Variants in APBB2 observed in about 807,000 individuals in gnomAD.
APBB2 encodes the protein Fe65-like 1.
A neutral mutation model predicts 82.5 loss-of-function variants in APBB2; 38 were observed. The observed-to-expected ratio is 0.46, with a 90% CI of 0.36 to 0.60. The LOEUF (loss-of-function observed/expected upper bound fraction) is 0.60, where lower values mean the gene tolerates loss of function less well. Ranked by LOEUF, APBB2 falls within the 20% of genes least tolerant of loss-of-function variation. The probability of loss-of-function intolerance (pLI) is 0.00; values close to 1 mark genes in which losing one functional copy is unlikely to be tolerated. For missense variants in APBB2, 772 were observed against 972.3 expected (o/e 0.79, Z 2.74); for synonymous variants, 341 against 368.2 (o/e 0.93, Z 0.85).
At position 41,044,401 on chromosome 4, in the gene APBB2, C is replaced by T. The variant is rs781076321; in HGVS notation, c.-50-11097G>A. Among the ~76,000 whole-genome samples, 62 of 152,216 alleles carry T rather than the reference C, an allele frequency of 4.1e-4. No homozygotes were observed. The South Asian group carries it at 5.4e-3, about 13-fold the overall frequency. ...TTGGCTCCTAAGTCATTCTGACATG[C>T]CCTAATAATCTTTGATAGCTTCCTT... On this transcript the variant is annotated intron_variant, in intron 4 of 17. Transcript: ENST00000508593.
chr4:40,881,401 C>T (rs1051392129), intron 12 of APBB2: 15 of 984,502 alleles, frequency 1.5e-5, no homozygotes, highest in African/African-American at 1.8e-5. Flanking sequence ...AGACTGAGAC[C>T]CCACCTAATC....
chr4:40,853,709 G>A (rs1229870138), intron 12 of APBB2, among the ~76,000 whole-genome samples: 3 of 151,256 alleles, frequency 2.0e-5, no homozygotes, highest in Non-Finnish European at 4.4e-5. Flanking sequence ...CACCTGCCTC[G>A]ACCTCCCAAA....
At chr4:40,913,947 A>C (rs545244920) in intron 10 of APBB2, among the ~76,000 whole-genome samples, 1 of 152,106 alleles carries the variant, frequency 6.6e-6, no homozygotes, top group African/African-American at 2.4e-5. Context: ...CATACACTAA[A>C]TAAGGGGGCT....
chr4:40,988,650 A>T (rs1398589489), intron 6 of APBB2, among the ~76,000 whole-genome samples: 1 of 79,692 alleles, frequency 1.3e-5, no homozygotes, highest in Non-Finnish European at 2.4e-5. Flanking sequence ...AAAAAAAAAA[A>T]AAAAAGACTG....
Position 40,811,201 on chromosome 4 carries a change from T to C in APBB2, c.*4891A>G, listed in dbSNP as rs1744326342. 6.6e-6 allele frequency: 1 copy of C among 152,170 alleles called. No homozygotes were observed. The highest frequency in any genetic ancestry group is 6.5e-5 in the Admixed American group (1 of 15,270). The allele number at this position is 152,170 out of a possible 1,614,324, so 9.4% of individuals were successfully genotyped here. ...TTAATTACACTGCAGTTTTCTTCTT[T>C]GAGAATCTTCTATGAAGGACAGGAT... On this transcript the variant is annotated 3_prime_UTR_variant, in exon 18 of 18. Coordinates refer to ENST00000508593, the MANE Select transcript of APBB2 (RefSeq NM_004307.2).
intron 13 of APBB2, among the ~76,000 whole-genome samples, chr4:40,828,319 T>C (rs184494362): frequency 6.6e-6 from 1 of 152,302 alleles, no homozygotes; most frequent in Non-Finnish European, 1.5e-5. Flanking sequence ...GCTGTGGGTT[T>C]AGGGACTGAA....
chr4:41,143,122 C>T lies in APBB2; in HGVS notation c.-396G>A, dbSNP rs1759703096. ...CATGCTTGGCTACAGACCACAGCAG[C>T]TCACCCACAGCAACTCCAACCTGGG... On this transcript the variant is annotated 5_prime_UTR_variant, in exon 2 of 18. Transcript: ENST00000508593. 1 of 152,256 alleles carries T rather than the reference C, an allele frequency of 6.6e-6. No homozygotes were observed. The highest frequency in any genetic ancestry group is 6.5e-5 in the Admixed American group (1 of 15,278). 9.4% of individuals were successfully genotyped at this position (152,256 alleles called of 1,614,324 possible). A position where few individuals can be genotyped will look rare whatever the true frequency, so the allele number is the denominator to read the frequency against.
intron 7 of APBB2, 143 bp downstream of exon 7, chr4:40,944,722 G>T: frequency 1.3e-6 from 1 of 755,180 alleles, no homozygotes; most frequent in Non-Finnish European, 2.2e-6. Context: ...CTAAGAGGAA[G>T]CATTACTGAG....
chr4:40,939,065 G>A (rs1335852405), intron 7 of APBB2, among the ~76,000 whole-genome samples: 1 of 152,174 alleles, frequency 6.6e-6, no homozygotes, highest in Non-Finnish European at 1.5e-5. Flanking sequence ...GGGCTCTGCA[G>A]AGAGTCCCCA....
At chr4:40,817,184 G>A (rs548272868) in intron 17 of APBB2, among the ~76,000 whole-genome samples, 5 of 152,208 alleles carry the variant, frequency 3.3e-5, no homozygotes, top group African/African-American at 1.2e-4. Flanking sequence ...GAGGGAGGCG[G>A]ATCACTTGAG....
At chr4:41,056,997 G>C (rs933296323) in intron 4 of APBB2, among the ~76,000 whole-genome samples, 9 of 152,242 alleles carry the variant, frequency 5.9e-5, no homozygotes, top group African/African-American at 9.6e-5. Context: ...GAATTTTCTT[G>C]TACTCTGGGA....
chr4:41,082,572 T>TC (rs55913737), intron 3 of APBB2, among the ~76,000 whole-genome samples: 63,099 of 146,418 alleles, frequency 0.43, 13,788 homozygotes, highest in Non-Finnish European at 0.48. Context: ...TGTTTCTTTT[T>TC]TTTTTTTTTT....
At chr4:40,982,269 A>AGAAGGAAAGAAG (rs1560446069) in intron 6 of APBB2, among the ~76,000 whole-genome samples, 1 of 33,454 alleles carries the variant, frequency 3.0e-5, no homozygotes, top group Admixed American at 3.0e-4. Context: ...AAAGAAAGAA[A>AGAAGGAAAGAAG]GAAAGAAAGA....
At chr4:41,052,235 A>ACATACATACATACATG in intron 4 of APBB2, among the ~76,000 whole-genome samples, 1 of 151,930 alleles carries the variant, frequency 6.6e-6, no homozygotes, top group South Asian at 2.1e-4. Flanking sequence ...ATACATACAT[A>ACATACATACATACATG]CATACATACC....
chr4:40,879,912 G>T lies in APBB2; in HGVS notation c.1529+10452C>A, dbSNP rs937853196. On this transcript the variant is annotated intron_variant, in intron 12 of 17. Transcript: ENST00000508593. ...TTGCCATGTTGGACAGGCTGGTCTC[G>T]AACTCCTAACCTCAGGTGATCTGCC... 6.4e-5 allele frequency: 43 copies of T among 668,770 alleles called. No homozygotes were observed. In the African/African-American group the frequency reaches 8.5e-4, roughly 13 times the overall value. The allele number at this position is 668,770 out of a possible 1,614,324, so 41.4% of individuals were successfully genotyped here.
chr4:41,068,167 A>C (rs529189866), intron 3 of APBB2, among the ~76,000 whole-genome samples: 2 of 152,330 alleles, frequency 1.3e-5, no homozygotes, highest in South Asian at 4.1e-4. Context: ...CTATCTACCT[A>C]TACTATGTTT....
At chr4:41,061,731 G>A (rs757828267) in intron 4 of APBB2, among the ~76,000 whole-genome samples, 1 of 152,092 alleles carries the variant, frequency 6.6e-6, no homozygotes, top group Non-Finnish European at 1.5e-5. Context: ...TCTTATTTTC[G>A]TGCTCAATGG....
chr4:41,212,250 A>G (rs1253341748), intron 1 of APBB2, among the ~76,000 whole-genome samples: 1 of 152,220 alleles, frequency 6.6e-6, no homozygotes, highest in Non-Finnish European at 1.5e-5. Flanking sequence ...CTTACAATAT[A>G]TGCAATAGTT....
At chr4:40,874,156 T>C (rs563120306) in intron 12 of APBB2, among the ~76,000 whole-genome samples, 2 of 152,240 alleles carry the variant, frequency 1.3e-5, no homozygotes, top group East Asian at 1.9e-4. Context: ...AAAACAGCAA[T>C]GTTATATGAT....
Sources: allele counts gnomAD v4.1 joint callset (sites outside exome capture counted in the v4.1 genomes callset), GRCh38; gene constraint gnomAD v4.1.1; transcripts MANE v1.5; gene names NCBI Gene and HGNC (gene_info 2026-07-23, HGNC 2026-07-21).